The following DMD variants were observed in gnomAD, a reference collection of about 807,000 sequenced individuals.
DMD encodes the protein mutant dystrophin.
DMD carries 63 observed loss-of-function variants against 330.1 expected under a neutral mutation model. That is an observed-to-expected ratio of 0.19 (90% CI 0.16 to 0.24). The LOEUF is 0.24. DMD is among the 10% of genes least tolerant of loss of function. The pLI, the probability that DMD is intolerant of heterozygous loss-of-function variation, is 1.00. For missense variants in DMD, 3,344 were observed against 2,684.1 expected, an observed-to-expected ratio of 1.25 and a Z score of -5.43; for synonymous variants, 1,223 against 959.8, an observed-to-expected ratio of 1.27 and a Z score of -5.07.
At chrX:31,148,128 C>T (rs2036954760) in intron 74 of DMD, among the ~76,000 whole-genome samples, 1 of 111,729 alleles carries the variant, frequency 9.0e-6, no homozygotes, top group South Asian at 3.8e-4. Flanking sequence ...TAATGCCACA[C>T]TGAATTTCAT....
At chrX:32,519,331 G>C (rs1295576751) in intron 17 of DMD, among the ~76,000 whole-genome samples, 1 of 108,691 alleles carries the variant, frequency 9.2e-6, no homozygotes, top group African/African-American at 3.3e-5. Flanking sequence ...AGGAGCTGGT[G>C]GGGGTGGAGA....
intron 55 of DMD, among the ~76,000 whole-genome samples, chrX:31,581,832 G>A (rs2076353128): frequency 8.9e-6 from 1 of 112,064 alleles, no homozygotes; most frequent in Admixed American, 9.5e-5. Flanking sequence ...CAATGGCAAA[G>A]TATAGGTGCT....
rs267606433 is a variant in DMD, at chrX:31,478,329, C to T, written c.8714G>A (p.Arg2905Gln). The change falls in exon 59 of 79, where the codon CGA becomes CAA. Residue 2905 changes from arginine (R) to glutamine (Q), a missense_variant. Transcript: ENST00000357033. ...ERAQNVTRLL[R>Q]KQAEEVNTEW... ...AGTATTGACCTCCTCAGCCTGCTTT[C>T]GTAGAAGCCGAGTGACATTCTGGGC... 5 of 1,209,628 alleles carry T rather than the reference C, an allele frequency of 4.1e-6. No homozygotes were observed. Among genetic ancestry groups the T allele is most frequent in the African/African-American group, 1.8e-5 (1 of 57,060 alleles).
chrX:31,350,535 ATTTG>A (rs747952481), intron 60 of DMD, among the ~76,000 whole-genome samples: 91 of 110,434 alleles, frequency 8.2e-4, no homozygotes, highest in Non-Finnish European at 1.5e-3. Context: ...GGTAGCAAAT[ATTTG>A]TTTAATGACT....
At chrX:32,534,245 TG>T (rs759865663) in intron 17 of DMD, among the ~76,000 whole-genome samples, 9 of 111,806 alleles carry the variant, frequency 8.0e-5, no homozygotes, top group Non-Finnish European at 1.5e-4. Flanking sequence ...AGACAGCCTC[TG>T]GTATAGTTTG....
intron 51 of DMD, among the ~76,000 whole-genome samples, chrX:31,765,425 G>A (rs2089928744): frequency 9.0e-6 from 1 of 111,406 alleles, no homozygotes; most frequent in Non-Finnish European, 1.9e-5. Flanking sequence ...CCTAAGAGCA[G>A]ATAACACTGA....
chrX:32,398,899 G>A (rs1225382872), intron 30 of DMD, among the ~76,000 whole-genome samples: 2 of 111,158 alleles, frequency 1.8e-5, no homozygotes, highest in African/African-American at 6.5e-5. Context: ...CAAACACACA[G>A]CCCAATAGAA....
chrX:32,919,653 T>C (rs1462224388), intron 2 of DMD, among the ~76,000 whole-genome samples: 1 of 112,314 alleles, frequency 8.9e-6, no homozygotes, highest in Non-Finnish European at 1.9e-5. Flanking sequence ...CTGTAGATTA[T>C]CTACATTCCA....
rs1220698667 is a variant in DMD at position 31,556,325 on chromosome X, C to T, written c.8218-48872G>A. Among the ~76,000 whole-genome samples the T allele has an allele frequency of 2.9e-5, 3 of 102,851 alleles. No homozygotes were observed. The South Asian group carries it at 1.4e-3, about 49-fold the overall frequency. The allele number at this position is 102,851 out of a possible 115,157, so 89.3% of individuals were successfully genotyped here. On this transcript the variant is annotated intron_variant, in intron 55 of 78. Coordinates refer to ENST00000357033, the MANE Select transcript of DMD (RefSeq NM_004006.3). ...GAGCTTGCAGTGAGCCGAGATCACA[C>T]CACTGCACTCTAGCCTGGGTAACAG...
intron 2 of DMD, among the ~76,000 whole-genome samples, chrX:32,866,346 G>A (rs2082476129): frequency 8.9e-6 from 1 of 112,265 alleles, no homozygotes; most frequent in South Asian, 3.7e-4. Context: ...AACCTACTGA[G>A]TTTCAAGGTG....
intron 65 of DMD, among the ~76,000 whole-genome samples, chrX:31,208,893 A>G (rs187815045): frequency 3.8e-4 from 42 of 111,573 alleles, no homozygotes; most frequent in Admixed American, 1.3e-3. Context: ...CTTGTGTGCA[A>G]TCCAAAACAA....
At chrX:32,450,792 C>T (rs759590729) in intron 26 of DMD, among the ~76,000 whole-genome samples, 42 of 110,917 alleles carry the variant, frequency 3.8e-4, no homozygotes, top group African/African-American at 1.4e-3. Context: ...TTATAAATAA[C>T]CCAAGCAACT....
At chrX:31,147,203 G>A (rs2036822214) in intron 75 of DMD, 72 bp downstream of exon 75, 21 of 1,193,664 alleles carry the variant, frequency 1.8e-5, no homozygotes, top group Non-Finnish European at 2.4e-5. Context: ...CCTATAAAAA[G>A]TGCTCTCTGA....
At chrX:33,293,754 T>C (rs1046488582) in intron 1 of DMD, among the ~76,000 whole-genome samples, 1 of 111,931 alleles carries the variant, frequency 8.9e-6, no homozygotes, top group African/African-American at 3.2e-5. Flanking sequence ...ATATTAAGTA[T>C]GTGTCCAAAA....
At chrX:32,971,346 G>T (rs1450866713) in intron 2 of DMD, among the ~76,000 whole-genome samples, 1 of 111,546 alleles carries the variant, frequency 9.0e-6, no homozygotes, top group Non-Finnish European at 1.9e-5. Context: ...TCCAAGAAGT[G>T]TACAACAAAT....
chrX:32,441,220 T>C lies in DMD; in HGVS notation c.3881A>G (p.Asn1294Ser). Reference sequence around the variant, plus strand: ...GATTTCCTCAGCTCCGCCAGGAATGTTTTCAGTGGTTTTAAGTTTAAATTC... The same window carrying C: ...GATTTCCTCAGCTCCGCCAGGAATGCTTTCAGTGGTTTTAAGTTTAAATTC... The part of the protein sequence containing the change: ...EVEFKLKTTE[N>S]IPGGAEEISE... Residue 1294 changes from asparagine (N) to serine (S), a missense_variant, in exon 28 of 79, where the codon AAC (asparagine) becomes AGC (serine). Asn to Ser is a conservative substitution (Grantham distance 46). Transcript: ENST00000357033. The C allele has an allele frequency of 1.7e-6, 2 of 1,208,995 alleles. No individual in the cohort carries two copies. Among genetic ancestry groups the C allele is most frequent in the Non-Finnish European group, 2.2e-6 (2 of 893,451 alleles).
intron 1 of DMD, among the ~76,000 whole-genome samples, chrX:33,151,227 T>C (rs1251752709): frequency 8.9e-6 from 1 of 112,449 alleles, no homozygotes; most frequent in Non-Finnish European, 1.9e-5. Flanking sequence ...GTCTGAAACA[T>C]ATAAGTTATG....
intron 41 of DMD, among the ~76,000 whole-genome samples, chrX:32,313,798 T>A (rs2097573171): frequency 9.0e-6 from 1 of 110,702 alleles, no homozygotes; most frequent in African/African-American, 3.3e-5. Context: ...CCATTAAAAA[T>A]TGCTACAAAG....
intron 7 of DMD, among the ~76,000 whole-genome samples, chrX:32,798,175 T>C (rs1165766185): frequency 2.7e-5 from 3 of 112,159 alleles, no homozygotes; most frequent in Non-Finnish European, 5.6e-5. Context: ...ACAAATATCA[T>C]ATTTAATGTT....
Sources: allele counts gnomAD v4.1 joint callset (sites outside exome capture counted in the v4.1 genomes callset), GRCh38; gene constraint gnomAD v4.1.1; transcripts MANE v1.5; gene names NCBI Gene and HGNC (gene_info 2026-07-23, HGNC 2026-07-21).